Variants in ROBO2 observed in about 807,000 individuals in gnomAD.
ROBO2 encodes roundabout guidance receptor 2.
ROBO2 carries 53 observed loss-of-function variants against 160.8 expected under a neutral mutation model. That is an observed-to-expected ratio of 0.33 (90% CI 0.26 to 0.41). The LOEUF is 0.41. Ranked by LOEUF, ROBO2 falls within the 10% of genes least tolerant of loss-of-function variation. The pLI, the probability that ROBO2 is intolerant of heterozygous loss-of-function variation, is 1.00. For missense variants in ROBO2, 1,577 were observed against 1,722.4 expected, an observed-to-expected ratio of 0.92 and a Z score of 1.49; for synonymous variants, 664 against 611.7, an observed-to-expected ratio of 1.09 and a Z score of -1.26.
chr3:76,464,261 G>A (rs1184749715), intron 2 of ROBO2, among the ~76,000 whole-genome samples: 14 of 152,058 alleles, frequency 9.2e-5, no homozygotes, highest in Admixed American at 5.9e-4. Context: ...ATGATTGGAC[G>A]AATAGTATGT....
chr3:77,602,126 A>G, intron 19 of ROBO2, 84 bp from the exon 21 acceptor site: 1 of 1,367,422 alleles, frequency 7.3e-7, no homozygotes, highest in East Asian at 2.3e-5. Context: ...GCAGTGTGAC[A>G]CACTTATTTT....
chr3:76,241,738 G>T (rs1705297811), intron 2 of ROBO2, among the ~76,000 whole-genome samples: 1 of 152,104 alleles, frequency 6.6e-6, no homozygotes, highest in African/African-American at 2.4e-5. Flanking sequence ...ATATACTTTT[G>T]CTTCATTCAG....
intron 2 of ROBO2, among the ~76,000 whole-genome samples, chr3:76,649,075 A>G (rs973472584): frequency 5.3e-5 from 8 of 152,132 alleles, no homozygotes; most frequent in Admixed American, 3.9e-4. Flanking sequence ...CCAGTATAGT[A>G]GGAAGATGAT....
rs76840224 is a variant in ROBO2, at chr3:76,635,157, T to C, written c.110-462857T>C. ...ATTGGAGTTCTTACTTGGGTTTTGC[T>C]GCCGTATGACTTAGACTAAGTCATT... On this transcript the variant is annotated intron_variant, in intron 2 of 26. Coordinates refer to the ROBO2 transcript ENST00000487694. Among the ~76,000 whole-genome samples the C allele has an allele frequency of 8.7e-4, 133 of 152,342 alleles. No homozygotes were observed. In the East Asian group the frequency reaches 0.021, roughly 24 times the overall value.
intron 2 of ROBO2, among the ~76,000 whole-genome samples, chr3:76,882,408 G>A (rs962031346): frequency 2.0e-5 from 3 of 151,922 alleles, no homozygotes; most frequent in Admixed American, 6.6e-5. Context: ...TTCACATTTA[G>A]CACATTTGAA....
chr3:77,196,417 G>GT (rs1360119053), intron 2 of ROBO2, among the ~76,000 whole-genome samples: 1 of 149,394 alleles, frequency 6.7e-6, no homozygotes, highest in Non-Finnish European at 1.5e-5. Flanking sequence ...TTGTTTTTGT[G>GT]TTTTTGAAAG....
chr3:77,639,238 T>G (rs1032729738), intron 24 of ROBO2, among the ~76,000 whole-genome samples: 2 of 152,164 alleles, frequency 1.3e-5, no homozygotes, highest in Non-Finnish European at 2.9e-5. Context: ...AATTAATCTA[T>G]TCACTCAAAT....
At chr3:77,275,167 A>ATTACATATATAGATAC (rs2059749384) in intron 2 of ROBO2, among the ~76,000 whole-genome samples, 2 of 152,130 alleles carry the variant, frequency 1.3e-5, no homozygotes, top group African/African-American at 4.8e-5. Flanking sequence ...TACATAGATA[A>ATTACATATATAGATAC]CTACATATAT....
intron 2 of ROBO2, among the ~76,000 whole-genome samples, chr3:76,359,088 C>G (rs193043156): frequency 5.3e-4 from 80 of 151,982 alleles, no homozygotes; most frequent in African/African-American, 1.9e-3. Flanking sequence ...CATGTCCCTA[C>G]AAAGGACATG....
chr3:76,224,413 G>C (rs1036499946), intron 2 of ROBO2, among the ~76,000 whole-genome samples: 4 of 152,160 alleles, frequency 2.6e-5, no homozygotes, highest in Admixed American at 6.5e-5. Context: ...AGGGTAGGAG[G>C]AGATAGCTGT....
intron 5 of ROBO2, among the ~76,000 whole-genome samples, chr3:77,519,651 A>G (rs1450601573): frequency 6.6e-6 from 1 of 151,420 alleles, no homozygotes; most frequent in Non-Finnish European, 1.5e-5. Flanking sequence ...GTATATATGC[A>G]TCACATTTTC....
intron 2 of ROBO2, among the ~76,000 whole-genome samples, chr3:75,984,368 G>A (rs984806889): frequency 6.6e-6 from 1 of 151,428 alleles, no homozygotes; most frequent in Non-Finnish European, 1.5e-5. Context: ...AAAAAACACA[G>A]AGTAATATTT....
chr3:76,993,888 A>C (rs2149384278), intron 2 of ROBO2, among the ~76,000 whole-genome samples: 1 of 151,928 alleles, frequency 6.6e-6, no homozygotes, highest in East Asian at 1.9e-4. Flanking sequence ...TTTTGTAAAA[A>C]AAAAAAACAA....
At chr3:76,105,359 G>C (rs1022532541) in intron 2 of ROBO2, among the ~76,000 whole-genome samples, 6 of 152,094 alleles carry the variant, frequency 3.9e-5, no homozygotes, top group Admixed American at 3.3e-4. Flanking sequence ...ACAAATTCTT[G>C]TATACCTAAT....
chr3:76,250,498 T>TTG (rs1204721138), intron 2 of ROBO2, among the ~76,000 whole-genome samples: 1 of 152,096 alleles, frequency 6.6e-6, no homozygotes, highest in Non-Finnish European at 1.5e-5. Context: ...GTTAATCGTT[T>TTG]TGCGTGTAGG....
At chr3:76,058,474 G>A (rs1005668572) in intron 2 of ROBO2, among the ~76,000 whole-genome samples, 1 of 151,796 alleles carries the variant, frequency 6.6e-6, no homozygotes, top group African/African-American at 2.4e-5. Flanking sequence ...TTTGCATGAA[G>A]CACCTAGTGT....
intron 2 of ROBO2, among the ~76,000 whole-genome samples, chr3:76,855,528 C>T (rs2069962715): frequency 6.6e-6 from 1 of 152,166 alleles, no homozygotes; most frequent in Admixed American, 6.5e-5. Flanking sequence ...GATAAGATTG[C>T]ATAATTCCAA....
intron 2 of ROBO2, among the ~76,000 whole-genome samples, chr3:76,984,417 GA>G (rs1204191071): frequency 6.6e-6 from 1 of 152,142 alleles, no homozygotes; most frequent in Non-Finnish European, 1.5e-5. Context: ...AGAGAGTTTA[GA>G]AAAAGTACAA....
intron 2 of ROBO2, among the ~76,000 whole-genome samples, chr3:76,412,748 C>T (rs1480640167): frequency 6.6e-6 from 1 of 152,190 alleles, no homozygotes; most frequent in Non-Finnish European, 1.5e-5. Flanking sequence ...TGCCTCCCTC[C>T]CAGCTGCTTT....
Sources: allele counts gnomAD v4.1 joint callset (sites outside exome capture counted in the v4.1 genomes callset), GRCh38; gene constraint gnomAD v4.1.1; transcripts MANE v1.5; gene names NCBI Gene and HGNC (gene_info 2026-07-23, HGNC 2026-07-21).